The following GRID2 variants were observed in gnomAD, a reference collection of about 807,000 sequenced individuals.
GRID2 encodes glutamate ionotropic receptor delta type subunit 2.
In GRID2, 33 loss-of-function variants were observed where a neutral mutation model predicts 114.8. The observed-to-expected ratio is 0.29, with a 90% confidence interval of 0.22 to 0.38. The LOEUF (loss-of-function observed/expected upper bound fraction) is 0.38, where lower values mean the gene tolerates loss of function less well. Ranked by LOEUF, GRID2 falls within the 10% of genes least tolerant of loss-of-function variation. The pLI, the probability that GRID2 is intolerant of heterozygous loss-of-function variation, is 1.00. For synonymous variants in GRID2, 505 were observed against 449.9 expected (o/e 1.12, Z -1.55); for missense variants, 1,184 against 1,257.7 (o/e 0.94, Z 0.89).
At chr4:92,753,790 A>AC (rs1688911351) in intron 2 of GRID2, among the ~76,000 whole-genome samples, 3 of 152,186 alleles carry the variant, frequency 2.0e-5, no homozygotes. Flanking sequence ...CTGTGGTAAA[A>AC]ATGACTCCCC....
intron 4 of GRID2, among the ~76,000 whole-genome samples, chr4:93,152,925 T>C (rs543271235): frequency 6.6e-6 from 1 of 152,244 alleles, no homozygotes; most frequent in Non-Finnish European, 1.5e-5. Flanking sequence ...AACCTGGTTG[T>C]CCATGTTTAT....
intron 13 of GRID2, among the ~76,000 whole-genome samples, chr4:93,615,639 C>CAA (rs58667569): frequency 1.2e-4 from 14 of 117,454 alleles, no homozygotes; most frequent in South Asian, 7.9e-4. Context: ...GCCTTCACCC[C>CAA]AAAAAAAAAA....
At chr4:92,954,847 T>A (rs1489462950) in intron 2 of GRID2, among the ~76,000 whole-genome samples, 17 of 140,704 alleles carry the variant, frequency 1.2e-4, no homozygotes, top group Non-Finnish European at 2.4e-4. Context: ...TTCCCACCTA[T>A]GAGTGAGAAT....
At chr4:93,026,238 C>G (rs1723870046) in intron 2 of GRID2, among the ~76,000 whole-genome samples, 1 of 151,720 alleles carries the variant, frequency 6.6e-6, no homozygotes, top group Non-Finnish European at 1.5e-5. Flanking sequence ...CTGCTTTATT[C>G]AAATGTTTTC....
At chr4:92,657,474 A>G (rs1732300988) in intron 2 of GRID2, among the ~76,000 whole-genome samples, 1 of 151,656 alleles carries the variant, frequency 6.6e-6, no homozygotes, top group South Asian at 2.1e-4. Context: ...AGCGTCCTAG[A>G]TCATTTTAAT....
chr4:92,717,480 A>G (rs1735606585), intron 2 of GRID2, among the ~76,000 whole-genome samples: 1 of 152,188 alleles, frequency 6.6e-6, no homozygotes, highest in Non-Finnish European at 1.5e-5. Flanking sequence ...CGAGCTATAA[A>G]GCATATTTAA....
chr4:93,263,995 T>C (rs528139725), intron 8 of GRID2, among the ~76,000 whole-genome samples: 1 of 152,264 alleles, frequency 6.6e-6, no homozygotes, highest in South Asian at 2.1e-4. Context: ...TTGCATAGCT[T>C]GAAATTATCA....
chr4:92,550,388 T>C (rs1031640218), intron 1 of GRID2, among the ~76,000 whole-genome samples: 1 of 152,114 alleles, frequency 6.6e-6, no homozygotes, highest in Admixed American at 6.5e-5. Context: ...CATCAACTTA[T>C]TCTTTTAATT....
chr4:92,686,523 T>G (rs184276811), intron 2 of GRID2, among the ~76,000 whole-genome samples: 8 of 152,192 alleles, frequency 5.3e-5, no homozygotes, highest in Non-Finnish European at 5.9e-5. Context: ...CTTGTTAAGT[T>G]GAATTCTTGG....
intron 13 of GRID2, among the ~76,000 whole-genome samples, chr4:93,617,026 G>T (rs550259680): frequency 6.6e-6 from 1 of 151,948 alleles, no homozygotes; most frequent in Non-Finnish European, 1.5e-5. Flanking sequence ...TCAAGAAGAT[G>T]ATTTGAAGCT....
In GRID2 at chr4:92,537,354, C is replaced by T. The variant is rs1400929792; in HGVS notation, c.89-52777C>T. On this transcript the variant is annotated intron_variant, in intron 1 of 15. Transcript: ENST00000282020. ...ATAAAGAGAATAACACATTTTTGATCTACATCAGGAATAGTGAAAGACCTA... is the reference window on the plus strand; with the variant it reads ...ATAAAGAGAATAACACATTTTTGATTTACATCAGGAATAGTGAAAGACCTA... Among the ~76,000 whole-genome samples, 3 of 152,098 alleles carry T rather than the reference C, an allele frequency of 2.0e-5. No homozygotes were observed. In the South Asian group the frequency reaches 6.2e-4, roughly 32 times the overall value.
intron 2 of GRID2, among the ~76,000 whole-genome samples, chr4:92,643,088 T>G (rs2149255139): frequency 6.6e-6 from 1 of 151,836 alleles, no homozygotes; most frequent in East Asian, 1.9e-4. Flanking sequence ...GTGCTCTTTT[T>G]TGGTTCCATG....
intron 4 of GRID2, among the ~76,000 whole-genome samples, chr4:93,121,721 G>C (rs541382344): frequency 6.6e-6 from 1 of 152,274 alleles, no homozygotes; most frequent in African/African-American, 2.4e-5. Flanking sequence ...GATGCTGCCA[G>C]TTTCCCAAAG....
intron 3 of GRID2, among the ~76,000 whole-genome samples, chr4:93,110,083 T>C (rs1732621995): frequency 6.6e-6 from 1 of 152,186 alleles, no homozygotes; most frequent in Admixed American, 6.5e-5. Context: ...AAATATGTTT[T>C]GAAAAAATAT....
intron 2 of GRID2, among the ~76,000 whole-genome samples, chr4:92,989,276 CAAAA>C (rs1182397768): frequency 4.4e-4 from 33 of 74,290 alleles, no homozygotes; most frequent in African/African-American, 1.5e-3. Context: ...GACTCCATCT[CAAAA>C]AAAAAAAAAA....
chr4:92,927,080 CAACATCTTTAA>C (rs1749864670), intron 2 of GRID2, among the ~76,000 whole-genome samples: 1 of 151,842 alleles, frequency 6.6e-6, no homozygotes, highest in South Asian at 2.1e-4. Context: ...TAAAATGAGA[CAACATCTTTAA>C]AACATCTTTC....
intron 1 of GRID2, among the ~76,000 whole-genome samples, chr4:92,570,780 G>C (rs1275549407): frequency 6.6e-6 from 1 of 151,916 alleles, no homozygotes; most frequent in Admixed American, 6.6e-5. Flanking sequence ...GAATGCTACT[G>C]GTTTTTACAT....
intron 5 of GRID2, among the ~76,000 whole-genome samples, chr4:93,216,339 A>G (rs985258346): frequency 6.6e-6 from 1 of 151,948 alleles, no homozygotes; most frequent in Admixed American, 6.6e-5. Flanking sequence ...TTACATGGCA[A>G]TTACCTTCCT....
chr4:92,332,513 A>T (rs1726947019), intron 1 of GRID2, among the ~76,000 whole-genome samples: 1 of 152,162 alleles, frequency 6.6e-6, no homozygotes, highest in African/African-American at 2.4e-5. Context: ...CATCCTTCTC[A>T]AATTGAAAAA....
Sources: gnomAD v4.1 joint callset for allele counts (sites outside exome capture counted in the v4.1 genomes callset) on GRCh38, gnomAD v4.1.1 for gene constraint, MANE v1.5 for transcripts, NCBI Gene and HGNC (gene_info 2026-07-23, HGNC 2026-07-21) for gene names.